The following FAM193A variants were observed in gnomAD, a reference collection of about 807,000 sequenced individuals.
The protein encoded by FAM193A is protein FAM193A.
FAM193A carries 22 observed loss-of-function variants against 126.5 expected under a neutral mutation model. The observed-to-expected ratio is 0.17, with a 90% CI of 0.12 to 0.25. The LOEUF is 0.25. Ranked by LOEUF, FAM193A falls within the 10% of genes least tolerant of loss-of-function variation. The pLI is 1.00. For synonymous variants in FAM193A, 761 were observed against 646.8 expected, an observed-to-expected ratio of 1.18 and a Z score of -2.68; for missense variants, 1,675 against 1,672.8, an observed-to-expected ratio of 1.00 and a Z score of -0.02.
chr4:2,610,813 C>T (rs185448668), intron 2 of FAM193A, among the ~76,000 whole-genome samples: 35 of 152,204 alleles, frequency 2.3e-4, no homozygotes, highest in African/African-American at 8.4e-4. Flanking sequence ...TCTCGGCTCA[C>T]CGCAGCCTCC....
intron 16 of FAM193A, among the ~76,000 whole-genome samples, chr4:2,694,621 A>T (rs1716824468): frequency 6.6e-6 from 1 of 152,264 alleles, no homozygotes; most frequent in East Asian, 1.9e-4. Context: ...GTTTGAAGCT[A>T]TACCCCTTTT....
rs1371413738 is a variant in FAM193A at position 2,672,221 on chromosome 4, A to G, written c.2180A>G (p.His727Arg). The change falls in exon 13 of 21, where the codon CAT (histidine) becomes CGT (arginine). Residue 727 changes from histidine (H) to arginine (R), a missense_variant. Transcript: ENST00000637812. ...ACAGCCGGAGCCCTTCCTCCTGGCC[A>G]TCAGTTCTTGAGCCCAGAGAAGCCC... ...AMTAGALPPG[H>R]QFLSPEKPTH... 6 of 1,614,088 alleles carry G rather than the reference A, an allele frequency of 3.7e-6. No homozygotes were observed. The highest frequency in any genetic ancestry group is 5.1e-6 in the Non-Finnish European group (6 of 1,180,050).
intron 1 of FAM193A, among the ~76,000 whole-genome samples, chr4:2,579,417 G>T (rs770689386): frequency 6.6e-6 from 1 of 152,064 alleles, no homozygotes. Flanking sequence ...AATAAGGCTG[G>T]CTGGACGTGG....
intron 20 of FAM193A, among the ~76,000 whole-genome samples, chr4:2,716,767 C>T (rs968249951): frequency 6.6e-6 from 1 of 152,092 alleles, no homozygotes; most frequent in Admixed American, 6.6e-5. Flanking sequence ...ACCTCTGCCT[C>T]CCGGGTTCAA....
At position 2,700,102 on chromosome 4, in the gene FAM193A, C is replaced by T. The variant is rs755730465; in HGVS notation, c.3930C>T (p.Pro1310=). ...VDTRDSKFLL[P]KEVNGKQHEP... ...CCAGAGACTCCAAATTTCTCCTCCC[C>T]AAGGAGGTGAATGGGAAGCAGCATG... The change falls in exon 19 of 21, where the codon CCC becomes CCT. Residue 1310 remains proline, a synonymous_variant. Coordinates refer to ENST00000637812, the MANE Select transcript of FAM193A (RefSeq NM_001366318.2). 2.5e-6 allele frequency: 4 copies of T among 1,613,838 alleles called. No homozygotes were observed. The South Asian group carries it at 3.3e-5, about 13-fold the overall frequency.
chr4:2,627,504 G>C (rs1743092589), intron 4 of FAM193A, among the ~76,000 whole-genome samples: 1 of 144,176 alleles, frequency 6.9e-6, no homozygotes. Context: ...ACTTATTTGA[G>C]ATGGCCATTT....
intron 19 of FAM193A, among the ~76,000 whole-genome samples, chr4:2,705,305 G>A (rs4690015): frequency 0.2 from 30,463 of 152,182 alleles, 3,595 homozygotes; most frequent in Middle Eastern, 0.31. Flanking sequence ...TTGACTTTGT[G>A]TATGCTTTTC....
At chr4:2,687,131 G>C (rs1414152988) in intron 13 of FAM193A, among the ~76,000 whole-genome samples, 1 of 152,070 alleles carries the variant, frequency 6.6e-6, no homozygotes, top group Non-Finnish European at 1.5e-5. Context: ...GACTCGCTGA[G>C]CTGTCCAGCA....
intron 1 of FAM193A, among the ~76,000 whole-genome samples, chr4:2,550,910 C>T (rs1737882655): frequency 6.6e-6 from 1 of 151,978 alleles, no homozygotes; most frequent in African/African-American, 2.4e-5. Context: ...ACGCCATTCT[C>T]CTGCCTCAGC....
intron 17 of FAM193A, among the ~76,000 whole-genome samples, chr4:2,696,054 A>AAAT (rs1298173477): frequency 3.9e-5 from 6 of 151,972 alleles, no homozygotes; most frequent in Admixed American, 2.6e-4. Flanking sequence ...ATAAATAAAT[A>AAAT]AAATACATTA....
intron 2 of FAM193A, among the ~76,000 whole-genome samples, chr4:2,619,884 T>G (rs1742438074): frequency 6.6e-6 from 1 of 152,108 alleles, no homozygotes; most frequent in African/African-American, 2.4e-5. Context: ...AGAGTTGGGA[T>G]TTTGCCATCT....
chr4:2,709,681 C>T (rs576068631), intron 19 of FAM193A, among the ~76,000 whole-genome samples: 1 of 152,200 alleles, frequency 6.6e-6, no homozygotes, highest in Admixed American at 6.5e-5. Context: ...TGCACTCCAG[C>T]CTGGGACAGA....
chr4:2,635,158 C>G (rs1577109049), intron 5 of FAM193A, among the ~76,000 whole-genome samples: 1 of 152,190 alleles, frequency 6.6e-6, no homozygotes, highest in Non-Finnish European at 1.5e-5. Context: ...CAGCCAATCT[C>G]TTTTTATGGT....
At chr4:2,654,089 T>G (rs1745931640) in intron 7 of FAM193A, among the ~76,000 whole-genome samples, 1 of 152,218 alleles carries the variant, frequency 6.6e-6, no homozygotes, top group Admixed American at 6.5e-5. Flanking sequence ...TGAATGAACA[T>G]TGGTTGCTTC....
At chr4:2,663,971 A>G (rs1234691036) in intron 12 of FAM193A, among the ~76,000 whole-genome samples, 1 of 152,246 alleles carries the variant, frequency 6.6e-6, no homozygotes, top group Non-Finnish European at 1.5e-5. Context: ...TGTTTAAAAA[A>G]TAATAATAAC....
intron 4 of FAM193A, among the ~76,000 whole-genome samples, chr4:2,627,125 C>T (rs1743046767): frequency 6.6e-6 from 1 of 150,650 alleles, no homozygotes; most frequent in Non-Finnish European, 1.5e-5. Context: ...TTGAGGTGGC[C>T]ATAATTTTTA....
At chr4:2,637,950 G>A (rs1744249910) in intron 5 of FAM193A, among the ~76,000 whole-genome samples, 1 of 152,254 alleles carries the variant, frequency 6.6e-6, no homozygotes, top group Non-Finnish European at 1.5e-5. Context: ...ACCTAGAGGT[G>A]TAATTTTAGG....
Position 2,636,551 on chromosome 4 carries a change from A to G in FAM193A, c.1039-3184A>G, listed in dbSNP as rs913521280. 2.6e-5 allele frequency among the ~76,000 whole-genome samples: 4 copies of G among 152,228 alleles called. No individual in the cohort carries two copies. In the East Asian group the frequency reaches 5.8e-4, roughly 22 times the overall value. ...CCATGAATGGATTCTCTACTTATAC[A>G]TGGTTTGCTAGTGTCATTCATAGGT... On this transcript the variant is annotated intron_variant, in intron 5 of 20. Coordinates refer to ENST00000637812, the MANE Select transcript of FAM193A (RefSeq NM_001366318.2).
chr4:2,689,405 C>A, intron 13 of FAM193A, 101 bp from the exon 14 acceptor site: 2 of 813,196 alleles, frequency 2.5e-6, no homozygotes, highest in Non-Finnish European at 3.8e-6. Context: ...GCGAGCACAT[C>A]CCATGAGGCT....
Sources: allele counts gnomAD v4.1 joint callset (sites outside exome capture counted in the v4.1 genomes callset), GRCh38; gene constraint gnomAD v4.1.1; transcripts MANE v1.5; gene names NCBI Gene and HGNC (gene_info 2026-07-23, HGNC 2026-07-21).